SACS: variants seen among roughly 807,000 people sequenced by gnomAD.
The protein encoded by SACS is sacsin molecular chaperone, also known as sacsin.
SACS carries 197 observed loss-of-function variants against 348.0 expected under a neutral mutation model. That is an observed-to-expected ratio of 0.57 (90% confidence interval 0.50 to 0.64). SACS has a LOEUF of 0.64. Ranked by LOEUF, SACS falls within the 30% of genes least tolerant of loss-of-function variation. SACS has a pLI of 0.00. For missense variants in SACS, 4,999 were observed against 5,360.8 expected, an observed-to-expected ratio of 0.93 and a Z score of 2.11; for synonymous variants, 1,985 against 1,910.6, an observed-to-expected ratio of 1.04 and a Z score of -1.02.
intron 2 of SACS, among the ~76,000 whole-genome samples, chr13:23,379,205 T>C (rs1028169258): frequency 4.6e-5 from 7 of 152,188 alleles, no homozygotes; most frequent in African/African-American, 1.7e-4. Context: ...CCTGTACAGC[T>C]GGACATGGTG....
Position 23,332,830 on chromosome 13 carries a change from GA to G in SACS, c.11045del (p.Phe3682SerfsTer6). ...ATTTTGGATTTACCTGTGCTCCATT[GA>G]ACTTTATAAGAGGAAGTGTTCCATT... Reference protein sequence around the residue: ...EVNGTLPLIKFNGAQVNPKFK... With the variant: ...EVNGTLPLIKXNGAQVNPKFK... On this transcript the variant is annotated frameshift_variant, in exon 10 of 10. Coordinates refer to ENST00000382292, the MANE Select transcript of SACS (RefSeq NM_014363.6). LOFTEE classifies it high-confidence loss of function. The G allele has an allele frequency of 2.5e-6, 4 of 1,613,772 alleles. No homozygotes were observed. Among genetic ancestry groups the G allele is most frequent in the Non-Finnish European group, 3.4e-6 (4 of 1,179,936 alleles).
At position 23,330,326 on chromosome 13, in the gene SACS, T is replaced by A; in HGVS notation, c.13550A>T (p.Glu4517Val). The change falls in exon 10 of 10, where the codon GAA (glutamate) becomes GTA (valine). Residue 4517 changes from glutamate to valine, a missense_variant. Around this residue, in one of 6 missense-constraint regions of SACS, gnomAD observed 254 missense variants for 275.1 expected, o/e 0.92. Coordinates refer to ENST00000382292, the MANE Select transcript of SACS (RefSeq NM_014363.6). ...TGTGTGAACATCATTTGTCAGTCCT[T>A]CAAGTTGCTGACTATATTCCTCTAT... ...QKIEEYSQQL[E>V]GLTNDVHTLE... 6.2e-7 allele frequency: 1 copy of A among 1,614,204 alleles called. No individual in the cohort carries two copies. Among genetic ancestry groups the A allele is most frequent in the Non-Finnish European group, 8.5e-7 (1 of 1,180,022 alleles).
At chr13:23,365,605 C>A (rs1471864201) in intron 5 of SACS, among the ~76,000 whole-genome samples, 2 of 152,188 alleles carry the variant, frequency 1.3e-5, no homozygotes, top group Non-Finnish European at 2.9e-5. Flanking sequence ...GGAAATTATT[C>A]TATTTCCAAA....
Position 23,399,037 on chromosome 13 carries a change from A to AAAAAAAAAAAAAAAAAAAAAC in SACS, c.20+12182_20+12183insGTTTTTTTTTTTTTTTTTTTT, listed in dbSNP as rs55848856. On this transcript the variant is annotated intron_variant, in intron 2 of 9. Transcript: ENST00000382292. ...TCCATCTCAAAAAAAAAAAAAAAAA[A>AAAAAAAAAAAAAAAAAAAAAC]CATGGATGCCTGGCTCTTAGTTAAT... 6.2e-4 allele frequency among the ~76,000 whole-genome samples: 93 copies of AAAAAAAAAAAAAAAAAAAAAC among 149,826 alleles called. 1 individual carries two copies. Among genetic ancestry groups the AAAAAAAAAAAAAAAAAAAAAC allele is most frequent in the African/African-American group, 2.3e-3 (92 of 40,180 alleles).
intron 2 of SACS, among the ~76,000 whole-genome samples, chr13:23,390,925 G>T (rs999843160): frequency 1.3e-5 from 2 of 152,134 alleles, no homozygotes; most frequent in African/African-American, 4.8e-5. Context: ...TCCTTCTCCA[G>T]CCCAAACCTG....
At chr13:23,397,393 G>A (rs981098764) in intron 2 of SACS, among the ~76,000 whole-genome samples, 1 of 147,152 alleles carries the variant, frequency 6.8e-6, no homozygotes, top group Non-Finnish European at 1.5e-5. Context: ...ATTGCAAAAG[G>A]AATCTTATCT....
At chr13:23,386,793 A>G (rs1318398720) in intron 2 of SACS, among the ~76,000 whole-genome samples, 1 of 152,156 alleles carries the variant, frequency 6.6e-6, no homozygotes, top group Non-Finnish European at 1.5e-5. Flanking sequence ...TTGAAGAGTT[A>G]GAGGCCATTA....
intron 1 of SACS, among the ~76,000 whole-genome samples, chr13:23,425,020 G>A (rs1566114249): frequency 3.9e-5 from 6 of 152,136 alleles, no homozygotes; most frequent in African/African-American, 1.2e-4. Context: ...TGTATCCATC[G>A]GGGGCCTGGG....
chr13:23,389,896 C>G (rs1429901218), intron 2 of SACS, among the ~76,000 whole-genome samples: 2 of 152,146 alleles, frequency 1.3e-5, no homozygotes, highest in Non-Finnish European at 2.9e-5. Context: ...ATCAAAATGT[C>G]AAGTTATTTG....
chr13:23,364,350 G>A (rs1335357353), intron 6 of SACS, among the ~76,000 whole-genome samples: 1 of 152,092 alleles, frequency 6.6e-6, no homozygotes, highest in South Asian at 2.1e-4. Flanking sequence ...ATGTGATCTC[G>A]GCTCACTACA....
chr13:23,382,826 G>T (rs1390273580), intron 2 of SACS, among the ~76,000 whole-genome samples: 5 of 149,272 alleles, frequency 3.3e-5, no homozygotes, highest in African/African-American at 1.2e-4. Flanking sequence ...TCTGCTGCCA[G>T]GCTGGAGTGC....
chr13:23,412,231 G>C (rs1162608546), intron 1 of SACS, among the ~76,000 whole-genome samples: 2 of 151,634 alleles, frequency 1.3e-5, no homozygotes, highest in Non-Finnish European at 2.9e-5. Context: ...TGCACTCCCC[G>C]CGCCTGGGCA....
intron 2 of SACS, among the ~76,000 whole-genome samples, chr13:23,404,816 C>T (rs2137940002): frequency 6.6e-6 from 1 of 152,198 alleles, no homozygotes; most frequent in African/African-American, 2.4e-5. Context: ...ACAATCGCTA[C>T]AAAAAGAATA....
intron 6 of SACS, among the ~76,000 whole-genome samples, chr13:23,362,883 G>A (rs991766097): frequency 6.6e-6 from 1 of 151,542 alleles, no homozygotes; most frequent in African/African-American, 2.4e-5. Flanking sequence ...ACCATGCCCA[G>A]CCTGCATTTA....
chr13:23,365,167 C>T lies in SACS; in HGVS notation c.456G>A (p.Gln152=). ...TTGTTCCTAATTATTGATTCTTACC[C>T]TGATATGGCGCCATATCTTTTGACC... is the stretch of plus-strand genomic sequence containing the variant. The part of the protein sequence containing the change: ...TLWSKDMAPY[Q]GPALYVYNNA... The change falls in exon 6 of 10, where the codon CAG becomes CAA. Residue 152 remains glutamine (Q), a splice_region_variant and synonymous_variant. Transcript: ENST00000382292. 1 of 1,592,506 alleles carries T rather than the reference C, an allele frequency of 6.3e-7. No homozygotes were observed. The highest frequency in any genetic ancestry group is 8.6e-7 in the Non-Finnish European group (1 of 1,162,712).
At chr13:23,393,574 C>G (rs1048267473) in intron 2 of SACS, among the ~76,000 whole-genome samples, 3 of 152,146 alleles carry the variant, frequency 2.0e-5, no homozygotes, top group African/African-American at 7.2e-5. Flanking sequence ...CTGGACTCTG[C>G]TCTACCACCT....
In SACS at chr13:23,332,513, C is replaced by T. The variant is rs147369196; in HGVS notation, c.11363G>A (p.Arg3788His). 209 of 1,613,840 alleles carry T rather than the reference C, an allele frequency of 1.3e-4. No homozygotes were observed. Among genetic ancestry groups the T allele is most frequent in the Non-Finnish European group, 1.7e-4 (201 of 1,179,898 alleles). ...AAAAGCAACCCCTCGCAACTGAAAA[C>T]GAAATTCCCTTTTTTCTGCACTGAG... is the stretch of plus-strand genomic sequence containing the variant. The part of the protein sequence containing the change: ...EFLSAEKREF[R>H]FQLRGVAFVM... The change falls in exon 10 of 10, where the codon CGT becomes CAT. Residue 3788 changes from arginine to histidine, a missense_variant. By Grantham distance (29) the Arg-to-His change is conservative. Transcript: ENST00000382292.
intron 5 of SACS, among the ~76,000 whole-genome samples, chr13:23,367,528 A>G (rs1468414862): frequency 6.6e-6 from 1 of 152,004 alleles, no homozygotes; most frequent in Non-Finnish European, 1.5e-5. Context: ...ACAAAATCTA[A>G]TTTTTGCAGT....
intron 2 of SACS, among the ~76,000 whole-genome samples, chr13:23,406,053 A>G (rs543406644): frequency 4.2e-4 from 64 of 152,334 alleles, no homozygotes; most frequent in Non-Finnish European, 4.1e-4. Context: ...AGGATTATAA[A>G]TCATTCTACT....
Sources: gnomAD v4.1 joint callset for allele counts (sites outside exome capture counted in the v4.1 genomes callset) on GRCh38, gnomAD v4.1.1 for gene constraint, gnomAD v4.1.1 regional missense constraint, MANE v1.5 for transcripts, NCBI Gene and HGNC (gene_info 2026-07-23, HGNC 2026-07-21) for gene names.